Variants in NPC1 observed in about 807,000 individuals in gnomAD.
NPC1 encodes NPC intracellular cholesterol transporter 1.
A neutral mutation model predicts 140.4 loss-of-function variants in NPC1; 85 were observed. The ratio of observed to expected loss-of-function variants is 0.61; its 90% CI spans 0.51 to 0.72. The LOEUF (loss-of-function observed/expected upper bound fraction) is 0.72, where lower values mean the gene tolerates loss of function less well. Ranked by LOEUF, NPC1 falls within the 30% of genes least tolerant of loss-of-function variation. The pLI is 0.00. For missense variants in NPC1, 1,504 were observed against 1,623.8 expected, an observed-to-expected ratio of 0.93 and a Z score of 1.27; for synonymous variants, 656 against 624.8, an observed-to-expected ratio of 1.05 and a Z score of -0.74.
chr18:23,507,100 C>A, intron 3 of NPC1: 2 of 1,343,248 alleles, frequency 1.5e-6, no homozygotes, highest in Non-Finnish European at 2.1e-6. Flanking sequence ...ATTAGAAATA[C>A]ATTTGGAAGA....
chr18:23,545,564 C>A lies in NPC1; in HGVS notation c.1758-415G>T, dbSNP rs1252022780. On this transcript the variant is annotated intron_variant, in intron 11 of 24. Coordinates refer to ENST00000269228, the MANE Select transcript of NPC1 (RefSeq NM_000271.5). Reference sequence around the variant, plus strand: ...CGGCTCAAAGGCCATGTTTTCTTAACCTTTATCCTGCATTAGGATCCTTTG... The same window carrying A: ...CGGCTCAAAGGCCATGTTTTCTTAAACTTTATCCTGCATTAGGATCCTTTG... Among the ~76,000 whole-genome samples the A allele has an allele frequency of 2.6e-5, 4 of 152,170 alleles. No individual in the cohort carries two copies. In the East Asian group the frequency reaches 7.7e-4, roughly 29 times the overall value.
chr18:23,572,003 A>G, intron 3 of NPC1, 71 bp downstream of exon 3: 1 of 848,994 alleles, frequency 1.2e-6, no homozygotes, highest in Non-Finnish European at 2.0e-6. Context: ...CAAAGAATAA[A>G]TGGAAAGCTG....
chr18:23,570,337 T>C (rs79270930), intron 3 of NPC1, among the ~76,000 whole-genome samples: 1,586 of 152,362 alleles, frequency 0.01, 31 homozygotes, highest in African/African-American at 0.037. Context: ...TTTATGTTTA[T>C]GTCCGTATGT....
downstream of NPC1, chr18:23,528,484 G>A (rs1488492619): frequency 1.3e-5 from 2 of 153,556 alleles, no homozygotes; most frequent in Admixed American, 1.3e-4. Flanking sequence ...TCAATTCCAG[G>A]ATCTGATTAG....
rs1598973297 is a variant in NPC1, at chr18:23,554,845, T to C, written c.1466A>G (p.Gln489Arg). 6.2e-7 allele frequency: 1 copy of C among 1,614,186 alleles called. No homozygotes were observed. The highest frequency in any genetic ancestry group is 1.3e-5 in the African/African-American group (1 of 75,036). Residue 489 changes from glutamine (Q) to arginine (R), a missense_variant, in exon 9 of 25, where the codon CAG becomes CGG. Transcript: ENST00000269228. ...CTILSVLNYF[Q>R]NSHSVLDHKK... ...GTGGTCCAGCACGGAATGGCTGTTC[T>C]GGAAGTAATTTAACACACTCAAAAT...
downstream of NPC1, among the ~76,000 whole-genome samples, chr18:23,519,722 C>T (rs766810377): frequency 3.3e-5 from 5 of 152,052 alleles, no homozygotes; most frequent in Non-Finnish European, 7.4e-5. Flanking sequence ...GGTGGGAATC[C>T]GCTCCATTCC....
At chr18:23,530,918 G>A (rs1330457575), downstream of NPC1, among the ~76,000 whole-genome samples, 1 of 152,112 alleles carries the variant, frequency 6.6e-6, no homozygotes, top group Admixed American at 6.5e-5. Flanking sequence ...GGAATAAGAC[G>A]GCAAATGGTG....
At chr18:23,540,590 G>C (rs1237945504) in intron 16 of NPC1, 53 bp from the exon 17 acceptor site, 1 of 1,272,322 alleles carries the variant, frequency 7.9e-7, no homozygotes, top group African/African-American at 1.5e-5. Context: ...ATAAGCTTAC[G>C]ACCAGAAATA....
chr18:23,583,601 T>C (rs901445748), intron 1 of NPC1, among the ~76,000 whole-genome samples: 2 of 151,826 alleles, frequency 1.3e-5, no homozygotes, highest in African/African-American at 4.8e-5. Flanking sequence ...CAGAGATGAC[T>C]GATCCAGGCT....
At chr18:23,534,922 A>G (rs1001685310) in intron 22 of NPC1, among the ~76,000 whole-genome samples, 2 of 152,196 alleles carry the variant, frequency 1.3e-5, no homozygotes, top group African/African-American at 4.8e-5. Flanking sequence ...GAGTACGGAT[A>G]CACTGTTCTA....
downstream of NPC1, chr18:23,530,626 G>C (rs753183438): frequency 5.6e-6 from 9 of 1,609,786 alleles, no homozygotes; most frequent in South Asian, 9.9e-5. Flanking sequence ...AGAATGCAAT[G>C]AAAAGACTTG....
rs751489378 is a variant in NPC1 at position 23,541,338 on chromosome 18, T to C, written c.2341A>G (p.Ser781Gly). ...CGTTTAATGTCTAACCCCAAGAGAC[T>C]CACGAAACAGGTAATCTGCAGAAGA... ...DFLLQITCFV[S>G]LLGLDIKRQE... is the part of the protein sequence containing the mutation. The change falls in exon 15 of 25, where the codon AGT becomes GGT. Residue 781 changes from serine to glycine, a missense_variant. Transcript: ENST00000269228. 1 of 1,614,164 alleles carries C rather than the reference T, an allele frequency of 6.2e-7. No homozygotes were observed. The highest frequency in any genetic ancestry group is 8.5e-7 in the Non-Finnish European group (1 of 1,180,044).
rs760308785 is a variant in NPC1 at position 23,536,881 on chromosome 18, G to A, written c.3042-5C>T. Reference sequence around the variant, plus strand: ...GAACTATAGGCAGCATGTCCCCTGAGGAAAGAATCCTGGGTGTCAAGAGAG... The same window carrying A: ...GAACTATAGGCAGCATGTCCCCTGAAGAAAGAATCCTGGGTGTCAAGAGAG... On this transcript the variant is annotated splice_region_variant and splice_polypyrimidine_tract_variant and intron_variant, in intron 20 of 24. Transcript: ENST00000269228. 3.1e-6 allele frequency: 5 copies of A among 1,612,600 alleles called. No homozygotes were observed. Among genetic ancestry groups the A allele is most frequent in the South Asian group, 1.1e-5 (1 of 90,970 alleles).
chr18:23,529,422 G>T, downstream of NPC1: 2 of 1,434,382 alleles, frequency 1.4e-6, no homozygotes, highest in Non-Finnish European at 1.8e-6. Context: ...AGTTTCCTTG[G>T]GTGAGGCCCT....
chr18:23,541,416 G>A lies in NPC1; in HGVS notation c.2263C>T (p.Pro755Ser). The A allele has an allele frequency of 6.2e-7, 1 of 1,614,250 alleles. No homozygotes were observed. Residue 755 changes from proline (P) to serine (S), a missense_variant, in exon 15 of 25, where the codon CCA becomes TCA. By Grantham distance (74) the Pro-to-Ser change is moderately conservative. Transcript: ENST00000269228. The stretch of plus-strand genomic sequence containing the variant: ...AAGAGAGAGAAGGTGTGCACGGCTG[G>A]CATCACGGACAATGCTCCTGTCGGG... ...AFFLGALSVMPAVHTFSLFAG... is the reference protein window; with the variant it reads ...AFFLGALSVMSAVHTFSLFAG...
intron 3 of NPC1, among the ~76,000 whole-genome samples, chr18:23,513,430 T>TAGG (rs1260945011): frequency 6.6e-6 from 1 of 152,250 alleles, no homozygotes; most frequent in African/African-American, 2.4e-5. Flanking sequence ...ACATTTTGCT[T>TAGG]ATCCATTCAT....
intron 1 of NPC1, among the ~76,000 whole-genome samples, chr18:23,576,086 G>T (rs1033072393): frequency 1.3e-5 from 2 of 151,962 alleles, no homozygotes; most frequent in Non-Finnish European, 2.9e-5. Context: ...AGCCAGGTGT[G>T]GGGGGTGCAT....
chr18:23,515,483 T>A (rs1414651263), intron 3 of NPC1, among the ~76,000 whole-genome samples: 1 of 152,202 alleles, frequency 6.6e-6, no homozygotes, highest in African/African-American at 2.4e-5. Context: ...CTTCTGCTTT[T>A]TATTCTCAGA....
downstream of NPC1, chr18:23,530,589 G>A (rs766000038): frequency 1.9e-6 from 3 of 1,613,872 alleles, no homozygotes; most frequent in Non-Finnish European, 2.5e-6. Flanking sequence ...CAGCGTTTGC[G>A]AGGGAGCCCC....
Sources: gnomAD v4.1 joint callset for allele counts (sites outside exome capture counted in the v4.1 genomes callset) on GRCh38, gnomAD v4.1.1 for gene constraint, MANE v1.5 for transcripts, NCBI Gene and HGNC (gene_info 2026-07-23, HGNC 2026-07-21) for gene names.